The following SUGCT variants were observed in gnomAD, a reference collection of about 807,000 sequenced individuals.
SUGCT encodes the protein succinyl-CoA:glutarate-CoA transferase.
In SUGCT, 41 loss-of-function variants were observed where a neutral mutation model predicts 55.0. That is an observed-to-expected ratio of 0.74 (90% CI 0.58 to 0.97). SUGCT has a LOEUF of 0.97. SUGCT is among the 50% of genes least tolerant of loss of function. SUGCT has a pLI of 0.00. For synonymous variants in SUGCT, 187 were observed against 200.4 expected (o/e 0.93, Z 0.56); for missense variants, 568 against 547.8 (o/e 1.04, Z -0.37).
At chr7:40,890,577 T>A in the SUGCT span, among the ~76,000 whole-genome samples, 5 of 151,976 alleles carry the variant, frequency 3.3e-5, no homozygotes, top group African/African-American at 1.2e-4. Context: ...GCTCACCTGC[T>A]GACTCAGGCA....
chr7:40,830,230 C>T (rs903145742), intron 13 of SUGCT, among the ~76,000 whole-genome samples: 3 of 152,200 alleles, frequency 2.0e-5, no homozygotes, highest in Non-Finnish European at 2.9e-5. Flanking sequence ...CCAGTTTCTT[C>T]TCCATGTGGC....
chr7:40,475,990 G>T (rs1381640322), intron 11 of SUGCT, among the ~76,000 whole-genome samples: 2 of 152,016 alleles, frequency 1.3e-5, no homozygotes, highest in African/African-American at 4.8e-5. Flanking sequence ...TATAGCAGGG[G>T]GGTGGGATGG....
chr7:40,247,913 T>A (rs1467769312), intron 7 of SUGCT, among the ~76,000 whole-genome samples: 1 of 152,188 alleles, frequency 6.6e-6, no homozygotes, highest in Non-Finnish European at 1.5e-5. Context: ...TTATGGTTAA[T>A]GTGTTTTATG....
rs187267632 is a variant in SUGCT at position 40,245,406 on chromosome 7, T to C, written c.576+7680T>C. Among the ~76,000 whole-genome samples, 25 of 29,426 alleles carry C rather than the reference T, an allele frequency of 8.5e-4. 1 individual carries two copies. Among genetic ancestry groups the C allele is most frequent in the African/African-American group, 4.4e-3 (23 of 5,176 alleles). The allele number at this position is 29,426 out of a possible 152,430, so 19.3% of individuals were successfully genotyped here. A position where few individuals can be genotyped will look rare whatever the true frequency, so the allele number is the denominator to read the frequency against. On this transcript the variant is annotated intron_variant, in intron 7 of 13. Coordinates refer to ENST00000335693, the MANE Select transcript of SUGCT (RefSeq NM_001193313.2). ...AATTTTTATAGGTACGTAGTAGACA[T>C]ATATATATATATATATATTTTTTTT...
At chr7:40,647,493 G>A (rs1800578786) in intron 12 of SUGCT, among the ~76,000 whole-genome samples, 1 of 152,138 alleles carries the variant, frequency 6.6e-6, no homozygotes, top group Non-Finnish European at 1.5e-5. Context: ...TTTCTAAAAT[G>A]ATGTTCTGAG....
intron 12 of SUGCT, among the ~76,000 whole-genome samples, chr7:40,724,421 G>A (rs1223945097): frequency 1.6e-5 from 1 of 64,170 alleles, no homozygotes; most frequent in African/African-American, 3.0e-4. Flanking sequence ...AAAAATTAAC[G>A]GCGTGGCAGC....
intron 1 of SUGCT, among the ~76,000 whole-genome samples, chr7:40,157,947 G>T (rs533963868): frequency 6.6e-6 from 1 of 152,248 alleles, no homozygotes; most frequent in Admixed American, 6.5e-5. Context: ...AGTTGCTCAC[G>T]CCTGTAATGC....
At chr7:40,971,881 C>T in the SUGCT span, among the ~76,000 whole-genome samples, 1 of 151,882 alleles carries the variant, frequency 6.6e-6, no homozygotes, top group Non-Finnish European at 1.5e-5. Flanking sequence ...GTCATATGCT[C>T]TTTTTTTTAG....
intron 12 of SUGCT, among the ~76,000 whole-genome samples, chr7:40,565,409 G>T (rs1262244362): frequency 2.6e-5 from 4 of 152,210 alleles, no homozygotes; most frequent in East Asian, 1.9e-4. Context: ...TGGAATAAAG[G>T]TCTAATGGTA....
At chr7:41,033,512 T>G in the SUGCT span, among the ~76,000 whole-genome samples, 1 of 152,202 alleles carries the variant, frequency 6.6e-6, no homozygotes, top group Non-Finnish European at 1.5e-5. Context: ...GAATGGTGTC[T>G]TGAAATTTCC....
At chr7:40,771,936 CA>C (rs1789125042) in intron 13 of SUGCT, among the ~76,000 whole-genome samples, 1 of 152,146 alleles carries the variant, frequency 6.6e-6, no homozygotes. Flanking sequence ...TCCTCTACCT[CA>C]AGAATTGTTA....
chr7:40,439,058 T>C (rs1788330658), intron 9 of SUGCT, among the ~76,000 whole-genome samples: 1 of 91,360 alleles, frequency 1.1e-5, no homozygotes, highest in Admixed American at 1.5e-4. Context: ...ATGGTATATA[T>C]ATGGTGTATA....
the SUGCT span, among the ~76,000 whole-genome samples, chr7:40,875,731 C>T: frequency 1.3e-5 from 2 of 152,180 alleles, no homozygotes; most frequent in African/African-American, 4.8e-5. Context: ...TAATCTTCCC[C>T]TCCATCCATC....
At chr7:40,226,722 G>A (rs1300278676) in intron 6 of SUGCT, among the ~76,000 whole-genome samples, 1 of 151,260 alleles carries the variant, frequency 6.6e-6, no homozygotes, top group Non-Finnish European at 1.5e-5. Flanking sequence ...TTTTTCATCT[G>A]TAAAGTAAGA....
intron 12 of SUGCT, among the ~76,000 whole-genome samples, chr7:40,701,923 G>A (rs1785187584): frequency 6.6e-6 from 1 of 152,192 alleles, no homozygotes; most frequent in South Asian, 2.1e-4. Flanking sequence ...ACCCTGGTTT[G>A]CTCCAAGGCC....
chr7:40,844,451 G>A (rs1047374136), intron 13 of SUGCT, among the ~76,000 whole-genome samples: 5 of 152,216 alleles, frequency 3.3e-5, no homozygotes, highest in African/African-American at 9.6e-5. Flanking sequence ...CTGAATGACC[G>A]AACTCTTCTC....
intron 12 of SUGCT, among the ~76,000 whole-genome samples, chr7:40,615,461 T>C (rs1455380362): frequency 2.0e-5 from 3 of 152,174 alleles, no homozygotes; most frequent in Admixed American, 6.5e-5. Flanking sequence ...AAAATTTATT[T>C]TTTGCTATCA....
At chr7:40,516,513 T>C (rs1793239627) in intron 12 of SUGCT, among the ~76,000 whole-genome samples, 1 of 152,128 alleles carries the variant, frequency 6.6e-6, no homozygotes, top group Admixed American at 6.5e-5. Context: ...TGAGTCTTTT[T>C]TTTGTATAGG....
Position 40,252,006 on chromosome 7 carries a change from A to G in SUGCT, c.576+14280A>G, listed in dbSNP as rs141259009. Reference sequence around the variant, plus strand: ...AATGTGTTGGTAGAATTCTGCCTTAATGTGTTTGTTCACCACCAGAAAATT... The same window carrying G: ...AATGTGTTGGTAGAATTCTGCCTTAGTGTGTTTGTTCACCACCAGAAAATT... On this transcript the variant is annotated intron_variant, in intron 7 of 13. Transcript: ENST00000335693. Among the ~76,000 whole-genome samples the G allele has an allele frequency of 1.1e-3, 170 of 152,252 alleles. 1 individual carries two copies. Among genetic ancestry groups the G allele is most frequent in the African/African-American group, 3.9e-3 (163 of 41,556 alleles).
Sources: gnomAD v4.1 joint callset for allele counts (sites outside exome capture counted in the v4.1 genomes callset) on GRCh38, gnomAD v4.1.1 for gene constraint, MANE v1.5 for transcripts, NCBI Gene and HGNC (gene_info 2026-07-23, HGNC 2026-07-21) for gene names.